The following CEP120 variants were observed in gnomAD, a reference collection of about 807,000 sequenced individuals.
CEP120 encodes centrosomal protein of 120 kDa.
CEP120 carries 113 observed loss-of-function variants against 126.5 expected under a neutral mutation model. The ratio of observed to expected loss-of-function variants is 0.89; its 90% confidence interval spans 0.77 to 1.04. CEP120 has a LOEUF of 1.04. Ranked by LOEUF, CEP120 falls within the 50% of genes least tolerant of loss-of-function variation. CEP120 has a pLI of 0.00. For synonymous variants in CEP120, 400 were observed against 394.3 expected (o/e 1.01, Z -0.17); for missense variants, 1,230 against 1,155.7 (o/e 1.06, Z -0.93).
At position 123,412,441 on chromosome 5, in the gene CEP120, C is replaced by G. The variant is rs1267200530; in HGVS notation, c.421G>C (p.Asp141His). Residue 141 changes from aspartate to histidine, a missense_variant, in exon 4 of 20, where the codon GAT (aspartate) becomes CAT (histidine). Asp to His is a moderately conservative substitution (Grantham distance 81). Coordinates refer to ENST00000306467, the MANE Select transcript of CEP120 (RefSeq NM_001375405.1). ...GGAGCCCCCTTTGCTTTAAAGCTAT[C>G]CACTGGTGGCTTTGTATCGGTTTCC... ...ALETDTKPPV[D>H]SFKAKGAPPR... 1.2e-6 allele frequency: 2 copies of G among 1,612,058 alleles called. No homozygotes were observed. Among genetic ancestry groups the G allele is most frequent in the South Asian group, 2.2e-5 (2 of 90,570 alleles).
At position 123,412,404 on chromosome 5, in the gene CEP120, C is replaced by T. The variant is rs376597625; in HGVS notation, c.458G>A (p.Gly153Glu). ...TTTAGAGATGATGCACAAACCTTTT[C>T]CATCTCGAGGGGGAGCCCCCTTTGC... The part of the protein sequence containing the change: ...FKAKGAPPRD[G>E]KVPAILAGLD... Residue 153 changes from glycine to glutamate, a missense_variant, in exon 4 of 20, where the codon GGA becomes GAA. By Grantham distance (98) the Gly-to-Glu change is moderately conservative. Coordinates refer to ENST00000306467, the MANE Select transcript of CEP120 (RefSeq NM_001375405.1). 1.4e-5 allele frequency: 23 copies of T among 1,596,844 alleles called. No individual in the cohort carries two copies. Among genetic ancestry groups the T allele is most frequent in the African/African-American group, 2.7e-5 (2 of 73,762 alleles).
Position 123,407,113 on chromosome 5 carries a change from A to C in CEP120, c.463+5286T>G, listed in dbSNP as rs191339635. ...GGCAACCACTAAAAAAGTAAAAAAA[A>C]AAAAAACAAAAAACAAAAAAGTATA... is the stretch of plus-strand genomic sequence containing the variant. On this transcript the variant is annotated intron_variant, in intron 4 of 19. Transcript: ENST00000306467. Among the ~76,000 whole-genome samples the C allele has an allele frequency of 5.7e-3, 857 of 151,386 alleles. 10 individuals are homozygous for C. The highest frequency in any genetic ancestry group is 0.014 in the Middle Eastern group (4 of 292).
At chr5:123,403,343 G>T (rs1403151013) in intron 4 of CEP120, 2 of 454,508 alleles carry the variant, frequency 4.4e-6, no homozygotes, top group Non-Finnish European at 8.8e-6. Flanking sequence ...ATCTTGCTGT[G>T]CCTGAAAATA....
At chr5:123,349,823 A>G (rs935271677) in intron 19 of CEP120, 121 bp downstream of exon 19, 37 of 777,756 alleles carry the variant, frequency 4.8e-5, no homozygotes, top group African/African-American at 1.9e-4. Context: ...TTTCTATTGT[A>G]TATGTCTGCT....
intron 10 of CEP120, among the ~76,000 whole-genome samples, chr5:123,385,944 A>T (rs1771991037): frequency 6.6e-6 from 1 of 152,128 alleles, no homozygotes; most frequent in African/African-American, 2.4e-5. Context: ...TGCAATAAAA[A>T]CCTTCAAATG....
chr5:123,397,566 T>C (rs1414202797), intron 5 of CEP120, among the ~76,000 whole-genome samples: 1 of 152,288 alleles, frequency 6.6e-6, no homozygotes, highest in Admixed American at 6.5e-5. Flanking sequence ...AAAGTATGTA[T>C]GTATCAGTGA....
chr5:123,402,425 TTTG>T, intron 4 of CEP120: 3 of 1,189,082 alleles, frequency 2.5e-6, no homozygotes, highest in South Asian at 2.3e-5. Flanking sequence ...TGGTCTGTTT[TTTG>T]TTTTTTATTG....
In CEP120 at chr5:123,372,301, C is replaced by T. The variant is rs143073357; in HGVS notation, c.2481+349G>A. Among the ~76,000 whole-genome samples the T allele has an allele frequency of 1.8e-4, 28 of 152,130 alleles. No individual in the cohort carries two copies. The Middle Eastern group carries it at 0.01, about 55-fold the overall frequency. On this transcript the variant is annotated intron_variant, in intron 17 of 19. Transcript: ENST00000306467. ...CAGTGACAGCACCAAAAGGAGCAACCGAAGTAGACTGTTTTCTGACAGGAT... is the reference window on the plus strand; with the variant it reads ...CAGTGACAGCACCAAAAGGAGCAACTGAAGTAGACTGTTTTCTGACAGGAT...
chr5:123,347,082 T>C (rs1399073997), intron 19 of CEP120, among the ~76,000 whole-genome samples: 2 of 152,166 alleles, frequency 1.3e-5, no homozygotes, highest in Non-Finnish European at 2.9e-5. Context: ...TTGAGTAATA[T>C]TTTTCTGTAT....
chr5:123,390,995 A>T, intron 7 of CEP120, 115 bp downstream of exon 7: 1 of 723,816 alleles, frequency 1.4e-6, no homozygotes, highest in South Asian at 1.9e-5. Flanking sequence ...AAAGGTCACT[A>T]ATTAAGATTA....
At position 123,346,484 on chromosome 5, in the gene CEP120, G is replaced by T. The variant is rs752127445; in HGVS notation, c.*35C>A. 1 of 1,432,196 alleles carries T rather than the reference G, an allele frequency of 7.0e-7. No individual in the cohort carries two copies. Among genetic ancestry groups the T allele is most frequent in the Non-Finnish European group, 9.6e-7 (1 of 1,039,974 alleles). The allele number at this position is 1,432,196 out of a possible 1,614,324, so 88.7% of individuals were successfully genotyped here. On this transcript the variant is annotated 3_prime_UTR_variant, in exon 20 of 20. Transcript: ENST00000306467. ...GTTTTTACAAAGAAATTAAAATTTA[G>T]ACTTAGAGTCTCTATAAAGCTTTTC...
intron 17 of CEP120, among the ~76,000 whole-genome samples, chr5:123,370,603 G>A (rs1292918647): frequency 6.6e-6 from 1 of 151,302 alleles, no homozygotes; most frequent in African/African-American, 2.4e-5. Context: ...TCAGCCTCCT[G>A]AGTAGCTGGG....
At chr5:123,357,092 G>T in intron 18 of CEP120, among the ~76,000 whole-genome samples, 1 of 151,696 alleles carries the variant, frequency 6.6e-6, no homozygotes, top group Middle Eastern at 3.4e-3. Flanking sequence ...AGTACTTTAG[G>T]GATGCTATTT....
chr5:123,359,378 AGTAG>A (rs1769899332), intron 18 of CEP120, among the ~76,000 whole-genome samples: 1 of 152,078 alleles, frequency 6.6e-6, no homozygotes, highest in Non-Finnish European at 1.5e-5. Context: ...TTTTTTAAAA[AGTAG>A]GTTTTATTCT....
intron 17 of CEP120, among the ~76,000 whole-genome samples, chr5:123,370,685 GTA>G (rs71223059): frequency 2.1e-5 from 3 of 146,094 alleles, no homozygotes; most frequent in South Asian, 2.1e-4. Context: ...GTGTGTGTGT[GTA>G]TATATATATA....
At chr5:123,375,618 T>C (rs1450680333) in intron 16 of CEP120, among the ~76,000 whole-genome samples, 1 of 152,104 alleles carries the variant, frequency 6.6e-6, no homozygotes, top group African/African-American at 2.4e-5. Flanking sequence ...CCACTGTGCC[T>C]GGCTTATACC....
chr5:123,402,375 A>G, intron 4 of CEP120: 1 of 1,367,040 alleles, frequency 7.3e-7, no homozygotes, highest in Non-Finnish European at 9.7e-7. Context: ...GGCGGGCCGA[A>G]CCAGGCAGAG....
chr5:123,423,807 C>G (rs1286816412), upstream of CEP120, among the ~76,000 whole-genome samples: 5 of 152,138 alleles, frequency 3.3e-5, no homozygotes, highest in Non-Finnish European at 7.4e-5. Flanking sequence ...ATCGTGCTCA[C>G]GCGGCACCTC....
Position 123,344,976 on chromosome 5 carries a change from GAA to G in CEP120, c.*1541_*1542del, listed in dbSNP as rs538255878. ...CAAAATAAACTACACATCCATTTTA[GAA>G]AAGTCCTTTTTATTTCTTTAAATCA... On this transcript the variant is annotated 3_prime_UTR_variant, in exon 20 of 20. Transcript: ENST00000306467. The G allele has an allele frequency of 1.1e-4, 16 of 152,244 alleles. No homozygotes were observed. The East Asian group carries it at 2.7e-3, about 26-fold the overall frequency. 9.4% of individuals were successfully genotyped at this position (152,244 alleles called of 1,614,324 possible).
Sources: allele counts gnomAD v4.1 joint callset (sites outside exome capture counted in the v4.1 genomes callset), GRCh38; gene constraint gnomAD v4.1.1; transcripts MANE v1.5; gene names NCBI Gene and HGNC (gene_info 2026-07-23, HGNC 2026-07-21).